PTPRG: variants seen among roughly 807,000 people sequenced by gnomAD.
PTPRG encodes the protein protein tyrosine phosphatase receptor type G.
Under a neutral mutation model 165.3 loss-of-function variants are expected in PTPRG, and 102 were observed. The ratio of observed to expected loss-of-function variants is 0.62; its 90% CI spans 0.53 to 0.73. The LOEUF (loss-of-function observed/expected upper bound fraction) is 0.73, where lower values mean the gene tolerates loss of function less well. PTPRG is among the 30% of genes least tolerant of loss of function. The pLI, the probability that PTPRG is intolerant of heterozygous loss-of-function variation, is 0.00. For missense variants in PTPRG, 1,866 were observed against 1,861.4 expected (o/e 1.00, Z -0.05); for synonymous variants, 675 against 669.5 (o/e 1.01, Z -0.13).
intron 1 of PTPRG, among the ~76,000 whole-genome samples, chr3:61,718,664 C>G (rs1176627182): frequency 6.6e-6 from 1 of 152,200 alleles, no homozygotes; most frequent in Non-Finnish European, 1.5e-5. Context: ...GCTACTGTAA[C>G]TTAGTAACTT....
chr3:61,712,432 C>A (rs918944482), intron 1 of PTPRG, among the ~76,000 whole-genome samples: 2 of 152,032 alleles, frequency 1.3e-5, no homozygotes, highest in African/African-American at 4.8e-5. Context: ...TATCTCCACC[C>A]AAATCTCATC....
At chr3:61,904,878 T>C (rs908400680) in intron 2 of PTPRG, among the ~76,000 whole-genome samples, 2 of 152,030 alleles carry the variant, frequency 1.3e-5, no homozygotes, top group Non-Finnish European at 2.9e-5. Context: ...ATTACCAAAG[T>C]ATAAAGTGAT....
At chr3:61,894,175 G>C (rs534875158) in intron 2 of PTPRG, among the ~76,000 whole-genome samples, 7 of 151,770 alleles carry the variant, frequency 4.6e-5, no homozygotes, top group Admixed American at 4.6e-4. Flanking sequence ...GTAGTGGTGC[G>C]TGCCTGTAAT....
chr3:61,753,601 T>TTTTTTTTTTG, intron 2 of PTPRG: 14 of 441,372 alleles, frequency 3.2e-5, no homozygotes, highest in Non-Finnish European at 5.9e-5. Flanking sequence ...TTTTTTTTTT[T>TTTTTTTTTTG]GGAGATTGGA....
intron 28 of PTPRG, among the ~76,000 whole-genome samples, chr3:62,287,021 A>C (rs761459976): frequency 2.6e-5 from 4 of 152,152 alleles, no homozygotes; most frequent in Non-Finnish European, 1.5e-5. Context: ...AAATACTTTT[A>C]ATTTTACTGC....
intron 2 of PTPRG, among the ~76,000 whole-genome samples, chr3:61,811,201 A>G (rs1189235385): frequency 6.6e-6 from 1 of 152,018 alleles, no homozygotes; most frequent in African/African-American, 2.4e-5. Flanking sequence ...AGGCCCATGA[A>G]TAGAGTGCTT....
intron 4 of PTPRG, among the ~76,000 whole-genome samples, chr3:62,049,179 C>G (rs537524721): frequency 1.8e-4 from 28 of 151,900 alleles, no homozygotes; most frequent in Non-Finnish European, 2.8e-4. Flanking sequence ...TTGTATCCTT[C>G]AGCTGACTCA....
intron 10 of PTPRG, among the ~76,000 whole-genome samples, chr3:62,197,289 C>T (rs1253893221): frequency 6.6e-6 from 1 of 152,242 alleles, no homozygotes; most frequent in African/African-American, 2.4e-5. Flanking sequence ...AAATCCCCCC[C>T]TTAGTATTAG....
chr3:61,680,510 A>AAC lies in PTPRG; in HGVS notation c.86-68367_86-68366insCA, dbSNP rs1703395175. Among the ~76,000 whole-genome samples the AAC allele has an allele frequency of 4.1e-5, 6 of 147,012 alleles. No individual in the cohort carries two copies. The South Asian group carries it at 1.1e-3, about 28-fold the overall frequency. ...AATTATTCAGCTTTATGAAAAAAAA[A>AAC]AAAAAAAACACAAAAAAACAGCATG... On this transcript the variant is annotated intron_variant, in intron 1 of 29. Coordinates refer to ENST00000474889, the MANE Select transcript of PTPRG (RefSeq NM_002841.4).
chr3:62,239,181 T>A (rs1165945729), intron 14 of PTPRG, among the ~76,000 whole-genome samples: 6 of 152,286 alleles, frequency 3.9e-5, no homozygotes. Context: ...AGAGAAATGA[T>A]AATTTTGGAA....
intron 2 of PTPRG, among the ~76,000 whole-genome samples, chr3:61,777,956 C>T (rs888598859): frequency 1.3e-5 from 2 of 152,134 alleles, no homozygotes; most frequent in African/African-American, 4.8e-5. Flanking sequence ...GTGTATTTAG[C>T]TTATAGTTGG....
chr3:61,691,937 A>G (rs139218796), intron 1 of PTPRG, among the ~76,000 whole-genome samples: 1 of 152,240 alleles, frequency 6.6e-6, no homozygotes, highest in East Asian at 1.9e-4. Context: ...GGATGTTTAC[A>G]TCACACACGG....
At chr3:61,835,127 A>C (rs181849290) in intron 2 of PTPRG, among the ~76,000 whole-genome samples, 65 of 152,302 alleles carry the variant, frequency 4.3e-4, no homozygotes, top group Middle Eastern at 3.4e-3. Context: ...TGTATTGAGA[A>C]TTATGCTGTC....
intron 2 of PTPRG, among the ~76,000 whole-genome samples, chr3:61,913,948 C>G (rs553009597): frequency 6.6e-6 from 1 of 152,280 alleles, no homozygotes; most frequent in East Asian, 1.9e-4. Flanking sequence ...TCTCAGAGAT[C>G]GGTCCAAATT....
chr3:62,053,834 G>T (rs1700544090), intron 4 of PTPRG, among the ~76,000 whole-genome samples: 1 of 152,122 alleles, frequency 6.6e-6, no homozygotes, highest in Non-Finnish European at 1.5e-5. Context: ...TCAAACTGCT[G>T]GTTAGATAAT....
At chr3:61,657,850 T>G (rs946337382) in intron 1 of PTPRG, among the ~76,000 whole-genome samples, 5 of 152,156 alleles carry the variant, frequency 3.3e-5, no homozygotes, top group Non-Finnish European at 7.4e-5. Context: ...TGTCCTTAAG[T>G]TGATCGATAG....
rs547591596 is a variant in PTPRG at position 61,767,132 on chromosome 3, T to C, written c.190+18150T>C. ...GGTGGTGCACGCCTGTAGTCCCAGC[T>C]ACTTGAGAGGCTGAGGCAGGAGAAT... On this transcript the variant is annotated intron_variant, in intron 2 of 29. Coordinates refer to ENST00000474889, the MANE Select transcript of PTPRG (RefSeq NM_002841.4). Among the ~76,000 whole-genome samples the C allele has an allele frequency of 7.5e-4, 113 of 151,360 alleles. 2 individuals are homozygous for C. The South Asian group carries it at 9.6e-3, about 13-fold the overall frequency.
chr3:62,180,475 C>T (rs986099435), intron 8 of PTPRG, among the ~76,000 whole-genome samples: 1 of 152,182 alleles, frequency 6.6e-6, no homozygotes, highest in Admixed American at 6.5e-5. Context: ...TAGGGCAAGA[C>T]ATGGGGAGAA....
At chr3:61,990,597 G>A (rs1224444383) in intron 3 of PTPRG, among the ~76,000 whole-genome samples, 5 of 152,192 alleles carry the variant, frequency 3.3e-5, no homozygotes, top group African/African-American at 7.2e-5. Context: ...TCCACTGTAC[G>A]ATCTGAAAAT....
Sources: allele counts gnomAD v4.1 joint callset (sites outside exome capture counted in the v4.1 genomes callset), GRCh38; gene constraint gnomAD v4.1.1; transcripts MANE v1.5; gene names NCBI Gene and HGNC (gene_info 2026-07-23, HGNC 2026-07-21).